Variants in SETD1B observed in about 807,000 individuals in gnomAD.
SETD1B encodes the protein histone-lysine N-methyltransferase SETD1B.
Under a neutral mutation model 148.0 loss-of-function variants are expected in SETD1B, and 7 were observed. The observed-to-expected ratio is 0.05, with a 90% CI of 0.03 to 0.09. The LOEUF (loss-of-function observed/expected upper bound fraction) is 0.09, where lower values mean the gene tolerates loss of function less well. Among genes scored for constraint, SETD1B ranks in the 10% least tolerant of loss-of-function variants. SETD1B has a pLI of 1.00. For synonymous variants in SETD1B, 1,361 were observed against 1,186.5 expected, an observed-to-expected ratio of 1.15 and a Z score of -3.02; for missense variants, 2,155 against 2,729.9, an observed-to-expected ratio of 0.79 and a Z score of 4.69.
At chr12:121,826,508 G>A (rs1266837610) in intron 13 of SETD1B, among the ~76,000 whole-genome samples, 2 of 152,184 alleles carry the variant, frequency 1.3e-5, no homozygotes, top group African/African-American at 4.8e-5. Context: ...GAGGCAGCAG[G>A]GAGCTCCATG....
Position 121,822,816 on chromosome 12 carries a change from C to CCGT in SETD1B, c.4239_4241dup (p.Ser1414dup). The CCGT allele has an allele frequency of 6.6e-7, 1 of 1,504,624 alleles. No individual in the cohort carries two copies. The highest frequency in any genetic ancestry group is 8.9e-7 in the Non-Finnish European group (1 of 1,120,894). The allele number at this position is 1,504,624 out of a possible 1,614,324, so 93.2% of individuals were successfully genotyped here. ...CGGCAGCCCCTTCTCCTACCCAGCC[C>CCGT]CGTCCCCTAGCTTGAGCAGTGGGGG... On this transcript the variant is annotated inframe_insertion, in exon 12 of 17. Coordinates refer to ENST00000604567, the MANE Select transcript of SETD1B (RefSeq NM_001353345.2).
intron 10 of SETD1B, 120 bp downstream of exon 10, chr12:121,818,024 T>C (rs917527494): frequency 9.6e-5 from 95 of 984,904 alleles, no homozygotes; most frequent in Non-Finnish European, 1.4e-4. Flanking sequence ...GACGTTACCT[T>C]GTTAAAACAC....
chr12:121,797,960 G>A, the SETD1B span: 3 of 251,074 alleles, frequency 1.2e-5, no homozygotes, highest in Non-Finnish European at 2.4e-5. Flanking sequence ...GACCCAGCAC[G>A]GCTCATCGGG....
chr12:121,822,419 G>C, intron 11 of SETD1B, 71 bp from the exon 12 acceptor site: 1 of 1,467,290 alleles, frequency 6.8e-7, no homozygotes. Context: ...CAGGTATGGA[G>C]CACAAAATAA....
At position 121,806,198 on chromosome 12, in the gene SETD1B, C is replaced by T. The variant is rs1156869204; in HGVS notation, c.544+93C>T. On this transcript the variant is annotated intron_variant, in intron 4 of 16. Coordinates refer to ENST00000604567, the MANE Select transcript of SETD1B (RefSeq NM_001353345.2). ...GCAGCGTGGGGAGGACCCCCCCTCA[C>T]TCTTCCTTGGGATCCCCCCCCACAA... 8 of 1,389,366 alleles carry T rather than the reference C, an allele frequency of 5.8e-6. No homozygotes were observed. The South Asian group carries it at 8.4e-5, about 15-fold the overall frequency. 86.1% of individuals were successfully genotyped at this position (1,389,366 alleles called of 1,614,324 possible). A position where few individuals can be genotyped will look rare whatever the true frequency, so the allele number is the denominator to read the frequency against.
At chr12:121,829,977 A>AGCACAG (rs1877015865) in intron 16 of SETD1B, 89 bp from the exon 17 acceptor site, 2 of 1,276,368 alleles carry the variant, frequency 1.6e-6, no homozygotes, top group African/African-American at 3.0e-5. Flanking sequence ...TCAGGCCTTA[A>AGCACAG]GCACAGGCCT....
In SETD1B at chr12:121,822,428, A is replaced by G. The variant is rs1876601677; in HGVS notation, c.3911-62A>G. On this transcript the variant is annotated intron_variant, in intron 11 of 16. Coordinates refer to ENST00000604567, the MANE Select transcript of SETD1B (RefSeq NM_001353345.2). ...GCCTGCCAGGTATGGAGCACAAAAT[A>G]AGGCACTGAGAGACGTTTGGATTGA... The G allele has an allele frequency of 3.4e-6, 5 of 1,473,424 alleles. No homozygotes were observed. In the East Asian group the frequency reaches 1.0e-4, roughly 29 times the overall value. 91.3% of individuals were successfully genotyped at this position (1,473,424 alleles called of 1,614,324 possible). A position where few individuals can be genotyped will look rare whatever the true frequency, so the allele number is the denominator to read the frequency against.
In SETD1B at chr12:121,822,670, C is replaced by G. The variant is rs1286756773; in HGVS notation, c.4091C>G (p.Pro1364Arg). 6.5e-7 allele frequency: 1 copy of G among 1,546,688 alleles called. No homozygotes were observed. Among genetic ancestry groups the G allele is most frequent in the South Asian group, 1.2e-5 (1 of 83,808 alleles). The change falls in exon 12 of 17, where the codon CCA (proline) becomes CGA (arginine). Residue 1364 changes from proline to arginine, a missense_variant. Transcript: ENST00000604567. Reference sequence around the variant, plus strand: ...GCCGAGGACCACCCCCCGCATACTCCAGGCCTCTGTGGCAGCCTGGCCAAG... The same window carrying G: ...GCCGAGGACCACCCCCCGCATACTCGAGGCCTCTGTGGCAGCCTGGCCAAG... Reference protein sequence around the residue: ...PLAEDHPPHTPGLCGSLAKSQ... With the variant: ...PLAEDHPPHTRGLCGSLAKSQ...
At chr12:121,820,639 T>C (rs1876523699) in intron 11 of SETD1B, among the ~76,000 whole-genome samples, 1 of 152,344 alleles carries the variant, frequency 6.6e-6, no homozygotes, top group Admixed American at 6.5e-5. Flanking sequence ...GTTCACGCCA[T>C]TCTCCTGCCT....
the SETD1B span, among the ~76,000 whole-genome samples, chr12:121,792,986 C>T: frequency 3.3e-5 from 5 of 152,374 alleles, no homozygotes; most frequent in Admixed American, 6.5e-5. Context: ...TAGGGCTTGG[C>T]CTCTAGGGCC....
chr12:121,822,908 G>A lies in SETD1B; in HGVS notation c.4329G>A (p.Leu1443=). Residue 1443 remains leucine (L), a synonymous_variant, in exon 12 of 17, where the codon TTG becomes TTA. Coordinates refer to ENST00000604567, the MANE Select transcript of SETD1B (RefSeq NM_001353345.2). ...CCTTCTCCGAGCCCAGCGGGCCCTT[G>A]CTCCTGCCCGTCTGCCCACTCCCCA... ...TPTFSEPSGP[L]LLPVCPLPTG... 6.7e-7 allele frequency: 1 copy of A among 1,503,558 alleles called. No homozygotes were observed. The highest frequency in any genetic ancestry group is 8.9e-7 in the Non-Finnish European group (1 of 1,122,098). The allele number at this position is 1,503,558 out of a possible 1,614,324, so 93.1% of individuals were successfully genotyped here.
Position 121,823,683 on chromosome 12 carries a change from G to A in SETD1B, c.5104G>A (p.Glu1702Lys). 1 of 1,551,566 alleles carries A rather than the reference G, an allele frequency of 6.4e-7. No individual in the cohort carries two copies. The highest frequency in any genetic ancestry group is 1.7e-4 in the Middle Eastern group (1 of 5,992). Residue 1702 changes from glutamate to lysine, a missense_variant, in exon 12 of 17, where the codon GAG becomes AAG. Physicochemically the swap from Glu to Lys is moderately conservative, Grantham distance 56. Transcript: ENST00000604567. ...CATCCGCTTCCTGTGTGTCACCTAC[G>A]AGCGACTGCTACAGCAGGACAATGG... The part of the protein sequence containing the change: ...EDIRFLCVTY[E>K]RLLQQDNGMD...
intron 5 of SETD1B, among the ~76,000 whole-genome samples, chr12:121,809,362 C>T (rs1875901826): frequency 6.6e-6 from 1 of 152,154 alleles, no homozygotes; most frequent in African/African-American, 2.4e-5. Context: ...TTTTCTCTGC[C>T]TCCTCTGGAA....
chr12:121,801,780 G>A (rs1286178485), upstream of SETD1B: 1 of 152,244 alleles, frequency 6.6e-6, no homozygotes, highest in Non-Finnish European at 1.5e-5. Context: ...TAGGCAAAAA[G>A]GCGGCTTCGC....
chr12:121,822,942 C>T lies in SETD1B; in HGVS notation c.4363C>T (p.Arg1455Cys), dbSNP rs558152308. 1.5e-4 allele frequency: 228 copies of T among 1,536,824 alleles called. No homozygotes were observed. The highest frequency in any genetic ancestry group is 2.7e-4 in the African/African-American group (20 of 72,922). ...LPVCPLPTGRRDERSGPLASP... is the reference protein window; with the variant it reads ...LPVCPLPTGRCDERSGPLASP... ...CGTCTGCCCACTCCCCACTGGCCGACGCGATGAACGCTCCGGGCCCCTGGC... is the reference window on the plus strand; with the variant it reads ...CGTCTGCCCACTCCCCACTGGCCGATGCGATGAACGCTCCGGGCCCCTGGC... Residue 1455 changes from arginine to cysteine, a missense_variant, in exon 12 of 17, where the codon CGC (arginine) becomes TGC (cysteine). Physicochemically the swap from Arg to Cys is radical, Grantham distance 180 (BLOSUM62 -3). Around this residue, in one of 11 missense-constraint regions of SETD1B, gnomAD observed 862 missense variants for 873.8 expected, o/e 0.99. Coordinates refer to ENST00000604567, the MANE Select transcript of SETD1B (RefSeq NM_001353345.2).
At position 121,808,417 on chromosome 12, in the gene SETD1B, T is replaced by G; in HGVS notation, c.657+97T>G. ...CAACTCTCTTATGGGACCCCCAGCC[T>G]ACCCCCACCTCACTCCAGCTTTGGA... On this transcript the variant is annotated intron_variant, in intron 5 of 16. Coordinates refer to ENST00000604567, the MANE Select transcript of SETD1B (RefSeq NM_001353345.2). This position sits in a 1 kb window ranked among gnomAD's most constrained non-coding sequence, Gnocchi z 5.3. 1.4e-6 allele frequency: 1 copy of G among 716,752 alleles called. No homozygotes were observed. Among genetic ancestry groups the G allele is most frequent in the Non-Finnish European group, 2.4e-6 (1 of 421,606 alleles). 44.4% of individuals were successfully genotyped at this position (716,752 alleles called of 1,614,324 possible).
chr12:121,797,340 G>C, the SETD1B span: 1 of 426,462 alleles, frequency 2.3e-6, no homozygotes, highest in Non-Finnish European at 4.7e-6. Context: ...GCAAGCCCTG[G>C]GGCCCAGCGC....
chr12:121,793,207 C>A, the SETD1B span: 1 of 1,550,928 alleles, frequency 6.4e-7, no homozygotes. Context: ...TCACGCTGGC[C>A]GTGTACTTCT....
rs1394308288 is a variant in SETD1B, at chr12:121,805,138, G to A, written c.195G>A (p.Val65=). 1.3e-6 allele frequency: 2 copies of A among 1,551,682 alleles called. No homozygotes were observed. The highest frequency in any genetic ancestry group is 2.4e-5 in the East Asian group (1 of 40,920). The stretch of plus-strand genomic sequence containing the variant: ...CACAGATGTCCAGCAACCGCCCGGT[G>A]GAAATTGTCGAAGATCCCCGGGTCG... ...FSLAMSSNRP[V]EIVEDPRVVG... is the part of the protein sequence containing the mutation. The change falls in exon 3 of 17, where the codon GTG becomes GTA. Residue 65 remains valine, a synonymous_variant. Transcript: ENST00000604567. The surrounding 1 kb of genome is among the most constrained non-coding windows in gnomAD (Gnocchi z 4.2).
Sources: gnomAD v4.1 joint callset for allele counts (sites outside exome capture counted in the v4.1 genomes callset) on GRCh38, gnomAD v4.1.1 for gene constraint, gnomAD v4.1.1 regional missense constraint, Gnocchi (gnomAD v3.1) non-coding constraint, MANE v1.5 for transcripts, NCBI Gene and HGNC (gene_info 2026-07-23, HGNC 2026-07-21) for gene names.